Variants in MBD5 observed in about 807,000 individuals in gnomAD.
The protein encoded by MBD5 is methyl-CpG binding domain protein 5, also known as methyl-CpG-binding domain protein 5.
In MBD5, 13 loss-of-function variants were observed where a neutral mutation model predicts 117.3. That is an observed-to-expected ratio of 0.11 (90% CI 0.07 to 0.18). MBD5 has a LOEUF of 0.18. MBD5 is among the 10% of genes least tolerant of loss of function. MBD5 has a pLI of 1.00. For missense variants in MBD5, 1,879 were observed against 2,093.8 expected (o/e 0.90, Z 2.00); for synonymous variants, 727 against 766.4 (o/e 0.95, Z 0.85).
At chr2:148,249,643 A>T (rs1700419484) in intron 3 of MBD5, among the ~76,000 whole-genome samples, 1 of 152,198 alleles carries the variant, frequency 6.6e-6, no homozygotes, top group South Asian at 2.1e-4. Flanking sequence ...TTTTCCCCTG[A>T]CATGACTTAT....
At chr2:148,175,553 T>C (rs1383283908) in intron 1 of MBD5, among the ~76,000 whole-genome samples, 1 of 152,154 alleles carries the variant, frequency 6.6e-6, no homozygotes, top group East Asian at 1.9e-4. Context: ...TGGAACACCA[T>C]GGCATTCTGT....
chr2:148,482,038 T>C (rs1681173558), intron 8 of MBD5, among the ~76,000 whole-genome samples: 1 of 152,190 alleles, frequency 6.6e-6, no homozygotes, highest in Non-Finnish European at 1.5e-5. Flanking sequence ...TTAACTATTG[T>C]TTTTATTCAT....
At chr2:148,173,655 G>C (rs1698317247) in intron 1 of MBD5, among the ~76,000 whole-genome samples, 1 of 152,152 alleles carries the variant, frequency 6.6e-6, no homozygotes, top group Non-Finnish European at 1.5e-5. Context: ...GCAGTAAAGA[G>C]GCTACAGTGA....
chr2:148,363,399 A>AT (rs1361078640), intron 4 of MBD5, among the ~76,000 whole-genome samples: 1 of 151,928 alleles, frequency 6.6e-6, no homozygotes, highest in Non-Finnish European at 1.5e-5. Context: ...CGCCCGGCTA[A>AT]TTTTTTTGTA....
chr2:148,256,547 A>G (rs972404924), intron 3 of MBD5, among the ~76,000 whole-genome samples: 1 of 152,222 alleles, frequency 6.6e-6, no homozygotes, highest in Non-Finnish European at 1.5e-5. Flanking sequence ...CCACCCAGCT[A>G]TTGATACAGA....
At chr2:148,104,506 A>T (rs1574018073) in intron 1 of MBD5, among the ~76,000 whole-genome samples, 2 of 152,332 alleles carry the variant, frequency 1.3e-5, no homozygotes, top group South Asian at 4.1e-4. Context: ...TAAACAAAAA[A>T]TGATTGTCAT....
chr2:148,053,766 TTATAA>T (rs760872400), intron 1 of MBD5, among the ~76,000 whole-genome samples: 10 of 152,228 alleles, frequency 6.6e-5, no homozygotes, highest in Admixed American at 1.3e-4. Context: ...TTTAAATGTA[TTATAA>T]TTTATTTATC....
At chr2:148,504,253 A>G (rs1681959006) in intron 12 of MBD5, among the ~76,000 whole-genome samples, 1 of 152,238 alleles carries the variant, frequency 6.6e-6, no homozygotes, top group East Asian at 1.9e-4. Context: ...CATTTATAAA[A>G]AGAACTTTAT....
Position 148,490,528 on chromosome 2 carries a change from G to T in MBD5, c.4896G>T (p.Trp1632Cys). Reference protein sequence around the residue: ...VWGQIKGLTSWPGKLVREDDV... With the variant: ...VWGQIKGLTSCPGKLVREDDV... ...GCCAAATCAAAGGACTGACTTCCTG[G>T]CCTGGAAAATTAGTAAGAGAAGACG... The change falls in exon 11 of 14, where the codon TGG (tryptophan) becomes TGT (cysteine). Residue 1632 changes from tryptophan (W) to cysteine (C), a missense_variant. By Grantham distance (215) the Trp-to-Cys change is radical. Coordinates refer to ENST00000642680, the MANE Select transcript of MBD5 (RefSeq NM_001378120.1). The T allele has an allele frequency of 6.2e-7, 1 of 1,614,186 alleles. No homozygotes were observed. The highest frequency in any genetic ancestry group is 8.5e-7 in the Non-Finnish European group (1 of 1,180,038).
chr2:148,430,165 A>C (rs1460649231), intron 4 of MBD5, among the ~76,000 whole-genome samples: 1 of 152,182 alleles, frequency 6.6e-6, no homozygotes, highest in East Asian at 1.9e-4. Context: ...TTTATTTACA[A>C]TTAATGAATT....
chr2:148,387,150 A>G (rs1178025240), intron 4 of MBD5, among the ~76,000 whole-genome samples: 2 of 152,220 alleles, frequency 1.3e-5, no homozygotes, highest in African/African-American at 2.4e-5. Flanking sequence ...CTTTAATACA[A>G]AATCCTAAAC....
At chr2:148,426,692 C>A (rs1391025773) in intron 4 of MBD5, among the ~76,000 whole-genome samples, 1 of 152,048 alleles carries the variant, frequency 6.6e-6, no homozygotes, top group Admixed American at 6.6e-5. Context: ...CTAAAACCAT[C>A]AAAACCCTAG....
intron 4 of MBD5, among the ~76,000 whole-genome samples, chr2:148,373,401 G>C (rs976077293): frequency 1.4e-4 from 21 of 152,174 alleles, no homozygotes; most frequent in African/African-American, 5.1e-4. Flanking sequence ...GAACCTTGCT[G>C]ATTTGGATTA....
chr2:148,305,080 A>T (rs183447383), intron 3 of MBD5, among the ~76,000 whole-genome samples: 9 of 151,836 alleles, frequency 5.9e-5, no homozygotes, highest in African/African-American at 2.2e-4. Context: ...AAAAAAAATA[A>T]AATAAAATAA....
intron 3 of MBD5, among the ~76,000 whole-genome samples, chr2:148,340,875 C>CGT (rs1702928927): frequency 2.1e-5 from 3 of 144,522 alleles, no homozygotes; most frequent in Non-Finnish European, 4.6e-5. Flanking sequence ...CACACACACA[C>CGT]ATAGCATTTA....
chr2:148,323,520 T>C (rs1702349174), intron 3 of MBD5, among the ~76,000 whole-genome samples: 1 of 152,130 alleles, frequency 6.6e-6, no homozygotes, highest in Non-Finnish European at 1.5e-5. Flanking sequence ...GTTTCCTGAC[T>C]TTTTAATGAT....
Position 148,489,949 on chromosome 2 carries a change from G to T in MBD5, c.4317G>T (p.Glu1439Asp), listed in dbSNP as rs761678535. 6.8e-6 allele frequency: 11 copies of T among 1,613,996 alleles called. No homozygotes were observed. The South Asian group carries it at 1.1e-4, about 16-fold the overall frequency. The change falls in exon 11 of 14, where the codon GAG becomes GAT. Residue 1439 changes from glutamate (E) to aspartate (D), a missense_variant. Glu to Asp is a conservative substitution (Grantham distance 45). This residue lies in a region of MBD5 where 1,666 missense variants were observed against 1,792.2 expected (regional missense o/e 0.93). Coordinates refer to ENST00000642680, the MANE Select transcript of MBD5 (RefSeq NM_001378120.1). ...ACGGGGAGCAAAGCCCCAGAGGGGA[G>T]CGAAACAGGTGGAAGTACGAGGAAT... ...QWDGEQSPRG[E>D]RNRWKYEEFL...
At chr2:148,288,113 A>G (rs1701405573) in intron 3 of MBD5, among the ~76,000 whole-genome samples, 1 of 151,818 alleles carries the variant, frequency 6.6e-6, no homozygotes, top group African/African-American at 2.4e-5. Context: ...TAAAAAAGTG[A>G]TTTCTGGCCG....
intron 3 of MBD5, among the ~76,000 whole-genome samples, chr2:148,308,251 C>T (rs13410839): frequency 0.15 from 23,042 of 152,080 alleles, 2,077 homozygotes; most frequent in Non-Finnish European, 0.18. Flanking sequence ...AATTTACCCT[C>T]CCACCACAGT....
Sources: allele counts gnomAD v4.1 joint callset (sites outside exome capture counted in the v4.1 genomes callset), GRCh38; gene constraint gnomAD v4.1.1; regional missense constraint gnomAD v4.1.1; transcripts MANE v1.5; gene names NCBI Gene and HGNC (gene_info 2026-07-23, HGNC 2026-07-21).